STK32C: variants seen among roughly 807,000 people sequenced by gnomAD.
STK32C encodes serine/threonine-protein kinase 32C.
In STK32C, 31 loss-of-function variants were observed where a neutral mutation model predicts 56.5. The ratio of observed to expected loss-of-function variants is 0.55; its 90% CI spans 0.41 to 0.74. The LOEUF (loss-of-function observed/expected upper bound fraction) is 0.74, where lower values mean the gene tolerates loss of function less well. Ranked by LOEUF, STK32C falls within the 30% of genes least tolerant of loss-of-function variation. STK32C has a pLI of 0.00. For missense variants in STK32C, 544 were observed against 676.9 expected, an observed-to-expected ratio of 0.80 and a Z score of 2.18; for synonymous variants, 309 against 289.4, an observed-to-expected ratio of 1.07 and a Z score of -0.69.
chr10:132,233,427 T>A (rs980946192), intron 2 of STK32C, among the ~76,000 whole-genome samples: 10 of 152,232 alleles, frequency 6.6e-5, no homozygotes, highest in African/African-American at 2.4e-4. Context: ...GAGCTCAGGA[T>A]TCTAACGCGG....
intron 1 of STK32C, among the ~76,000 whole-genome samples, chr10:132,327,448 T>G (rs1454943143): frequency 1.3e-5 from 2 of 152,034 alleles, no homozygotes; most frequent in African/African-American, 2.4e-5. Context: ...TCCCCAACCA[T>G]GGCTACAATA....
intron 7 of STK32C, 49 bp from the exon 8 acceptor site, chr10:132,224,572 A>T (rs1307592216): frequency 7.2e-7 from 1 of 1,397,230 alleles, no homozygotes; most frequent in East Asian, 2.4e-5. Flanking sequence ...CCCCCAGGAC[A>T]CCCAGAACAA....
intron 7 of STK32C, 151 bp from the exon 8 acceptor site, chr10:132,224,674 C>G: frequency 1.5e-6 from 1 of 652,138 alleles, no homozygotes; most frequent in Non-Finnish European, 2.7e-6. Context: ...CTCCACCTGC[C>G]GCGGAGGAGC....
At chr10:132,309,713 A>T (rs1440799009), upstream of STK32C, among the ~76,000 whole-genome samples, 1 of 152,096 alleles carries the variant, frequency 6.6e-6, no homozygotes, top group East Asian at 1.9e-4. Context: ...TTGGAAGGGG[A>T]GGTACCAAGG....
chr10:132,270,540 G>T (rs780387338), intron 1 of STK32C, among the ~76,000 whole-genome samples: 2 of 152,236 alleles, frequency 1.3e-5, no homozygotes, highest in African/African-American at 4.8e-5. Flanking sequence ...TGTGGGAACC[G>T]CAGGGTATGG....
At chr10:132,270,268 T>C (rs921450363) in intron 1 of STK32C, among the ~76,000 whole-genome samples, 1 of 152,230 alleles carries the variant, frequency 6.6e-6, no homozygotes, top group Non-Finnish European at 1.5e-5. Flanking sequence ...GTGAACAATC[T>C]TGAGAGGGTG....
chr10:132,330,570 C>A, intron 1 of STK32C: 1 of 707,868 alleles, frequency 1.4e-6, no homozygotes. Context: ...TTAAGTGGCA[C>A]AATCATAACT....
upstream of STK32C, among the ~76,000 whole-genome samples, chr10:132,312,584 A>G (rs532571127): frequency 6.6e-6 from 1 of 152,208 alleles, no homozygotes; most frequent in Non-Finnish European, 1.5e-5. Flanking sequence ...ATCGGTCCCA[A>G]GTAAGTTCAA....
chr10:132,313,026 C>T (rs775630062), intron 1 of STK32C, among the ~76,000 whole-genome samples: 1 of 152,122 alleles, frequency 6.6e-6, no homozygotes, highest in Non-Finnish European at 1.5e-5. Context: ...GGCGACAGAG[C>T]GAGACTCTGT....
At chr10:132,239,815 G>A (rs1276683912) in intron 2 of STK32C, among the ~76,000 whole-genome samples, 21 of 152,214 alleles carry the variant, frequency 1.4e-4, no homozygotes, top group Admixed American at 1.1e-3. Context: ...ACATAGGCCC[G>A]GGTTCCCCAG....
chr10:132,315,057 CT>C (rs1178019957), intron 1 of STK32C, among the ~76,000 whole-genome samples: 1 of 152,122 alleles, frequency 6.6e-6, no homozygotes, highest in East Asian at 1.9e-4. Context: ...TCATTCGAAC[CT>C]AAGAGGCGGA....
chr10:132,263,738 C>T (rs1274512508), intron 1 of STK32C, among the ~76,000 whole-genome samples: 2 of 150,880 alleles, frequency 1.3e-5, no homozygotes, highest in East Asian at 1.9e-4. Context: ...TGGTGGTGGA[C>T]GCCTGTAATC....
rs41309399 is a variant in STK32C at position 132,225,384 on chromosome 10, G to A, written c.773-48C>T. 8.9e-3 allele frequency: 14,121 copies of A among 1,587,126 alleles called. 226 individuals are homozygous for A. The highest frequency in any genetic ancestry group is 0.072 in the African/African-American group (5,340 of 74,356). ...AACAGCTGCCACGGGGTCACAGCCC[G>A]GACCCGTGGGCACAGGGCCGGCACC... is the stretch of plus-strand genomic sequence containing the variant. On this transcript the variant is annotated intron_variant, in intron 6 of 11. Coordinates refer to ENST00000298630, the MANE Select transcript of STK32C (RefSeq NM_173575.4).
chr10:132,224,619 CT>C (rs2062813034), intron 7 of STK32C, 96 bp from the exon 8 acceptor site: 1 of 862,378 alleles, frequency 1.2e-6, no homozygotes, highest in Non-Finnish European at 1.9e-6. Flanking sequence ...AGAGGACCCC[CT>C]CCCCCCACCC....
At chr10:132,214,049 C>A (rs923567177) in intron 10 of STK32C, among the ~76,000 whole-genome samples, 3 of 151,844 alleles carry the variant, frequency 2.0e-5, no homozygotes, top group Non-Finnish European at 2.9e-5. Flanking sequence ...ACCACACACG[C>A]ATAATTGGAT....
At position 132,228,096 on chromosome 10, in the gene STK32C, C is replaced by A; in HGVS notation, c.351G>T (p.Lys117Asn). The A allele has an allele frequency of 6.2e-7, 1 of 1,614,082 alleles. No individual in the cohort carries two copies. Among genetic ancestry groups the A allele is most frequent in the Non-Finnish European group, 8.5e-7 (1 of 1,180,038 alleles). The change falls in exon 3 of 12, where the codon AAG becomes AAT. Residue 117 changes from lysine to asparagine, a missense_variant. Lys to Asn is a moderately conservative substitution (Grantham distance 94). Around this residue, in one of 3 missense-constraint regions of STK32C, gnomAD observed 182 missense variants for 217.7 expected, o/e 0.84. Coordinates refer to ENST00000298630, the MANE Select transcript of STK32C (RefSeq NM_173575.4). ...TGTTCATGTACTTCATGGCGTACAT[C>A]TTCTCCGTGTCCCGCTTCTGCACAA... ...VCIVQKRDTE[K>N]MYAMKYMNKQ...
chr10:132,259,136 T>C (rs868779643), intron 1 of STK32C, among the ~76,000 whole-genome samples: 2 of 152,074 alleles, frequency 1.3e-5, no homozygotes, highest in South Asian at 2.1e-4. Context: ...AACAGGGCCA[T>C]AGCCAACCAT....
chr10:132,261,072 G>A (rs1359579895), intron 1 of STK32C, among the ~76,000 whole-genome samples: 3 of 152,144 alleles, frequency 2.0e-5, no homozygotes, highest in Admixed American at 2.0e-4. Flanking sequence ...CCTTGGAGAC[G>A]ATCACTGCTT....
At position 132,219,842 on chromosome 10, in the gene STK32C, G is replaced by C. The variant is rs572907509; in HGVS notation, c.1251+2799C>G. Among the ~76,000 whole-genome samples the C allele has an allele frequency of 1.7e-4, 26 of 152,270 alleles. No homozygotes were observed. In the South Asian group the frequency reaches 3.9e-3, roughly 23 times the overall value. ...GGACTGACACCCGTCTTCTGCCCAG[G>C]AGCAACACAGGGCCCACCAGGTCTG... On this transcript the variant is annotated intron_variant, in intron 10 of 11. Transcript: ENST00000298630.
Sources: gnomAD v4.1 joint callset for allele counts (sites outside exome capture counted in the v4.1 genomes callset) on GRCh38, gnomAD v4.1.1 for gene constraint, gnomAD v4.1.1 regional missense constraint, MANE v1.5 for transcripts, NCBI Gene and HGNC (gene_info 2026-07-23, HGNC 2026-07-21) for gene names.